The following GPC5 variants were observed in gnomAD, a reference collection of about 807,000 sequenced individuals.
GPC5 encodes glypican-5.
GPC5 carries 47 observed loss-of-function variants against 53.9 expected under a neutral mutation model. That is an observed-to-expected ratio of 0.87 (90% CI 0.69 to 1.11). The LOEUF (loss-of-function observed/expected upper bound fraction) is 1.11. Ranked by LOEUF, GPC5 falls within the 50% of genes most tolerant of loss-of-function variation. The pLI, the probability that GPC5 is intolerant of heterozygous loss-of-function variation, is 0.00. For synonymous variants in GPC5, 286 were observed against 263.3 expected (o/e 1.09, Z -0.84); for missense variants, 748 against 713.1 (o/e 1.05, Z -0.56).
chr13:92,407,231 A>G (rs1875832546), intron 7 of GPC5, among the ~76,000 whole-genome samples: 1 of 152,230 alleles, frequency 6.6e-6, no homozygotes, highest in African/African-American at 2.4e-5. Flanking sequence ...TAACAAAGAT[A>G]CATAATCCAA....
intron 7 of GPC5, among the ~76,000 whole-genome samples, chr13:92,793,905 C>A (rs1196182229): frequency 6.6e-6 from 1 of 151,880 alleles, no homozygotes; most frequent in Non-Finnish European, 1.5e-5. Flanking sequence ...GCCTACCAAC[C>A]AAAAAAAGTC....
chr13:91,879,353 G>T (rs190642822), intron 5 of GPC5, among the ~76,000 whole-genome samples: 4 of 151,972 alleles, frequency 2.6e-5, no homozygotes, highest in African/African-American at 9.7e-5. Flanking sequence ...AAATTTTATC[G>T]GTCATGCATG....
At chr13:92,400,420 A>G (rs1318814613) in intron 7 of GPC5, among the ~76,000 whole-genome samples, 1 of 152,208 alleles carries the variant, frequency 6.6e-6, no homozygotes, top group Non-Finnish European at 1.5e-5. Context: ...AGAACATTGT[A>G]TCTCATTATT....
chr13:91,970,439 T>A (rs192900571), intron 6 of GPC5, among the ~76,000 whole-genome samples: 53 of 149,956 alleles, frequency 3.5e-4, no homozygotes, highest in African/African-American at 1.3e-3. Flanking sequence ...TGCCCCCCCC[T>A]CACACATACA....
At chr13:92,474,837 G>T (rs1235321506) in intron 7 of GPC5, among the ~76,000 whole-genome samples, 1 of 152,020 alleles carries the variant, frequency 6.6e-6, no homozygotes, top group Non-Finnish European at 1.5e-5. Context: ...ACAAAGTGAA[G>T]AAGACAGGAA....
chr13:92,512,398 C>T (rs913284166), intron 7 of GPC5, among the ~76,000 whole-genome samples: 3 of 151,988 alleles, frequency 2.0e-5, no homozygotes, highest in Non-Finnish European at 2.9e-5. Context: ...ATGGGAATCC[C>T]TAAAGCAACA....
intron 5 of GPC5, among the ~76,000 whole-genome samples, chr13:91,897,942 G>T (rs2039460593): frequency 6.6e-6 from 1 of 152,002 alleles, no homozygotes; most frequent in Non-Finnish European, 1.5e-5. Flanking sequence ...GTACTTCAGT[G>T]TATTTCCCAG....
intron 7 of GPC5, among the ~76,000 whole-genome samples, chr13:92,314,918 G>T (rs1269072770): frequency 1.3e-5 from 2 of 152,070 alleles, no homozygotes; most frequent in Non-Finnish European, 1.5e-5. Flanking sequence ...GAGACTACAG[G>T]CATGTGCCCC....
intron 2 of GPC5, among the ~76,000 whole-genome samples, chr13:91,509,753 C>A (rs1885138285): frequency 6.6e-6 from 1 of 152,002 alleles, no homozygotes; most frequent in Non-Finnish European, 1.5e-5. Context: ...TTATTATAAT[C>A]TTTGTATATG....
At chr13:92,670,255 T>C (rs1181045459) in intron 7 of GPC5, among the ~76,000 whole-genome samples, 2 of 152,146 alleles carry the variant, frequency 1.3e-5, no homozygotes, top group African/African-American at 2.4e-5. Context: ...CTAATCCATA[T>C]GGATGCCAAG....
At chr13:92,705,610 ATTAATCTCAACTACATG>A (rs1287572789) in intron 7 of GPC5, among the ~76,000 whole-genome samples, 1 of 152,158 alleles carries the variant, frequency 6.6e-6, no homozygotes, top group Admixed American at 6.6e-5. Flanking sequence ...TAATGTCATA[ATTAATCTCAACTACATG>A]TTTTCCTTTT....
chr13:91,898,790 C>T (rs973592406), intron 5 of GPC5, among the ~76,000 whole-genome samples: 8 of 151,944 alleles, frequency 5.3e-5, no homozygotes, highest in African/African-American at 7.3e-5. Context: ...TGACCTGTTA[C>T]GGCCCCTTAC....
At chr13:91,830,832 TCC>T (rs2038645520) in intron 5 of GPC5, among the ~76,000 whole-genome samples, 1 of 137,694 alleles carries the variant, frequency 7.3e-6, no homozygotes, top group African/African-American at 2.7e-5. Flanking sequence ...ATAATATATA[TCC>T]TATTATATAT....
chr13:92,375,554 G>A (rs1347128437), intron 7 of GPC5, among the ~76,000 whole-genome samples: 1 of 152,094 alleles, frequency 6.6e-6, no homozygotes, highest in African/African-American at 2.4e-5. Flanking sequence ...TTGGTTTCTC[G>A]CTGTATCAAT....
chr13:91,442,076 C>T (rs1312814571), intron 1 of GPC5, among the ~76,000 whole-genome samples: 1 of 152,088 alleles, frequency 6.6e-6, no homozygotes, highest in Non-Finnish European at 1.5e-5. Context: ...GCAATCCTAC[C>T]TTAAAAATAT....
intron 5 of GPC5, among the ~76,000 whole-genome samples, chr13:91,811,393 G>A (rs548128322): frequency 6.6e-6 from 1 of 151,940 alleles, no homozygotes; most frequent in Non-Finnish European, 1.5e-5. Context: ...TTAAATGGAT[G>A]TTTTAGGTTT....
At chr13:91,698,913 T>G (rs956999797) in intron 3 of GPC5, among the ~76,000 whole-genome samples, 1 of 152,124 alleles carries the variant, frequency 6.6e-6, no homozygotes, top group Non-Finnish European at 1.5e-5. Context: ...CCTAGAAAAG[T>G]AAGACACGCA....
At chr13:92,336,807 T>C (rs544133021) in intron 7 of GPC5, among the ~76,000 whole-genome samples, 1 of 152,266 alleles carries the variant, frequency 6.6e-6, no homozygotes, top group East Asian at 1.9e-4. Flanking sequence ...AGAGTATCTA[T>C]TCCTGGTTCC....
chr13:92,512,951 C>T (rs890034834), intron 7 of GPC5, among the ~76,000 whole-genome samples: 3 of 152,166 alleles, frequency 2.0e-5, no homozygotes, highest in African/African-American at 4.8e-5. Context: ...GGGGCCAGCA[C>T]GTGATGCGAT....
Sources: gnomAD v4.1 joint callset for allele counts (sites outside exome capture counted in the v4.1 genomes callset) on GRCh38, gnomAD v4.1.1 for gene constraint, MANE v1.5 for transcripts, NCBI Gene and HGNC (gene_info 2026-07-23, HGNC 2026-07-21) for gene names.